The following FBN2 variants were observed in gnomAD, a reference collection of about 807,000 sequenced individuals.
FBN2 encodes the protein fibrillin 2.
Under a neutral mutation model 355.6 loss-of-function variants are expected in FBN2, and 105 were observed. That is an observed-to-expected ratio of 0.30 (90% CI 0.25 to 0.35). The LOEUF is 0.35. FBN2 is among the 10% of genes least tolerant of loss of function. The pLI is 1.00. For synonymous variants in FBN2, 1,350 were observed against 1,301.2 expected (o/e 1.04, Z -0.81); for missense variants, 3,280 against 3,758.7 (o/e 0.87, Z 3.33).
At chr5:128,300,998 C>T in intron 47 of FBN2, 62 bp from the exon 48 acceptor site, 1 of 1,508,606 alleles carries the variant, frequency 6.6e-7, no homozygotes, top group South Asian at 1.1e-5. Flanking sequence ...ATAGATTTAT[C>T]TGTCTGCCAA....
chr5:128,282,657 T>C (rs1459438344), intron 55 of FBN2, among the ~76,000 whole-genome samples: 1 of 152,078 alleles, frequency 6.6e-6, no homozygotes, highest in African/African-American at 2.4e-5. Context: ...TGCCTGATTC[T>C]TTTTTCTGTT....
chr5:128,456,014 A>AC (rs1486203521), intron 6 of FBN2, among the ~76,000 whole-genome samples: 4 of 146,552 alleles, frequency 2.7e-5, no homozygotes, highest in Non-Finnish European at 6.0e-5. Context: ...AAAAAAAAAA[A>AC]AAAAAAAAAG....
rs114833050 is a variant in FBN2 at position 128,523,715 on chromosome 5, T to C, written c.532+4157A>G. 2.3e-3 allele frequency among the ~76,000 whole-genome samples: 357 copies of C among 152,234 alleles called. 3 individuals carry two copies. Among genetic ancestry groups the C allele is most frequent in the African/African-American group, 7.9e-3 (330 of 41,524 alleles). On this transcript the variant is annotated intron_variant, in intron 4 of 64. Coordinates refer to ENST00000262464, the MANE Select transcript of FBN2 (RefSeq NM_001999.4). Reference sequence around the variant, plus strand: ...GTATTTCCCGTATCTGGAAATGACATCGCTATTAATCCAGCAGCTCCACCA... The same window carrying C: ...GTATTTCCCGTATCTGGAAATGACACCGCTATTAATCCAGCAGCTCCACCA...
At chr5:128,271,929 A>G in intron 62 of FBN2, 70 bp downstream of exon 62, 1 of 1,584,348 alleles carries the variant, frequency 6.3e-7, no homozygotes, top group East Asian at 2.2e-5. Flanking sequence ...AACCCTCACA[A>G]TTTGTTCATC....
At chr5:128,366,886 A>G (rs1391766772) in intron 16 of FBN2, among the ~76,000 whole-genome samples, 1 of 152,146 alleles carries the variant, frequency 6.6e-6, no homozygotes, top group Non-Finnish European at 1.5e-5. Context: ...TTTCCTTTTT[A>G]CAACTGAGGA....
chr5:128,407,151 T>C (rs1021999577), intron 8 of FBN2, among the ~76,000 whole-genome samples: 1 of 152,120 alleles, frequency 6.6e-6, no homozygotes, highest in Non-Finnish European at 1.5e-5. Context: ...TTAAAGTGGG[T>C]AAATGGTAGT....
intron 6 of FBN2, among the ~76,000 whole-genome samples, chr5:128,460,065 G>A (rs59820839): frequency 0.11 from 16,226 of 152,058 alleles, 1,035 homozygotes; most frequent in African/African-American, 0.17. Flanking sequence ...TTAGAAAACC[G>A]CATCATCTCA....
At chr5:128,492,574 G>A (rs1025305806) in intron 5 of FBN2, among the ~76,000 whole-genome samples, 9 of 151,982 alleles carry the variant, frequency 5.9e-5, no homozygotes, top group African/African-American at 1.9e-4. Context: ...AGGCTGAGGC[G>A]GGTGGATCAC....
chr5:128,289,890 G>A lies in FBN2; in HGVS notation c.6503C>T (p.Thr2168Ile). The stretch of plus-strand genomic sequence containing the variant: ...AATATATCAAAGCGTACCTTCACGT[G>A]TATCATGAAGACTAGGGACAGTTCC... ...GHGTVPSLHD[T>I]REDVNECLES... is the part of the protein sequence containing the mutation. The change falls in exon 51 of 65, where the codon ACA (threonine) becomes ATA (isoleucine). Residue 2168 changes from threonine to isoleucine, a missense_variant. Thr to Ile is a moderately conservative substitution (Grantham distance 89). Around this residue, in one of 6 missense-constraint regions of FBN2, gnomAD observed 2,284 missense variants for 2,749.5 expected, o/e 0.83. Transcript: ENST00000262464. 1.3e-6 allele frequency: 2 copies of A among 1,573,784 alleles called. No individual in the cohort carries two copies. Among genetic ancestry groups the A allele is most frequent in the Non-Finnish European group, 1.7e-6 (2 of 1,143,542 alleles).
intron 6 of FBN2, among the ~76,000 whole-genome samples, chr5:128,457,849 A>T (rs1397840001): frequency 6.6e-6 from 1 of 152,056 alleles, no homozygotes; most frequent in Non-Finnish European, 1.5e-5. Context: ...CTGCAAAAAA[A>T]AAAAACAAAA....
chr5:128,355,489 T>G (rs949963934), intron 20 of FBN2, among the ~76,000 whole-genome samples: 2 of 152,224 alleles, frequency 1.3e-5, no homozygotes, highest in African/African-American at 4.8e-5. Flanking sequence ...TCTTTAAATA[T>G]TCATAGTATC....
chr5:128,453,523 TG>T (rs1754311086), intron 6 of FBN2, among the ~76,000 whole-genome samples: 1 of 152,212 alleles, frequency 6.6e-6, no homozygotes, highest in Admixed American at 6.5e-5. Context: ...CCATTAAAAA[TG>T]TTGTTTTTAA....
intron 5 of FBN2, among the ~76,000 whole-genome samples, chr5:128,469,053 GATATTGT>G (rs1754786559): frequency 6.6e-6 from 1 of 152,122 alleles, no homozygotes; most frequent in Non-Finnish European, 1.5e-5. Context: ...GTATATACTA[GATATTGT>G]TCTGGGCTCT....
chr5:128,446,659 A>C (rs1294679739), intron 6 of FBN2, 53 bp from the exon 7 acceptor site: 7 of 1,593,086 alleles, frequency 4.4e-6, no homozygotes, highest in African/African-American at 1.3e-5. Flanking sequence ...CAGAATATCT[A>C]TACTTTTTTT....
At chr5:128,320,207 CCTT>C (rs1281656716) in intron 34 of FBN2, among the ~76,000 whole-genome samples, 1 of 151,434 alleles carries the variant, frequency 6.6e-6, no homozygotes, top group African/African-American at 2.4e-5. Context: ...GTATTATTAT[CCTT>C]CTGACTATGC....
intron 6 of FBN2, among the ~76,000 whole-genome samples, chr5:128,464,490 T>G (rs1754648692): frequency 6.6e-6 from 1 of 152,242 alleles, no homozygotes; most frequent in South Asian, 2.1e-4. Context: ...CACTGTATTT[T>G]TACATTTCCC....
At chr5:128,460,085 C>T (rs1052468804) in intron 6 of FBN2, among the ~76,000 whole-genome samples, 3 of 152,174 alleles carry the variant, frequency 2.0e-5, no homozygotes, top group Non-Finnish European at 4.4e-5. Context: ...AGCCCAAAAT[C>T]TCCTGAAGCT....
At chr5:128,300,110 G>A (rs1230840917) in intron 48 of FBN2, among the ~76,000 whole-genome samples, 2 of 152,172 alleles carry the variant, frequency 1.3e-5, no homozygotes, top group Non-Finnish European at 2.9e-5. Flanking sequence ...TGCCAAGGGC[G>A]ATAGAATTGG....
intron 5 of FBN2, among the ~76,000 whole-genome samples, chr5:128,500,515 C>T (rs977927089): frequency 6.8e-6 from 1 of 147,728 alleles, no homozygotes; most frequent in Admixed American, 6.8e-5. Flanking sequence ...CGATCTCGGC[C>T]CACTGCAAGC....
Sources: gnomAD v4.1 joint callset for allele counts (sites outside exome capture counted in the v4.1 genomes callset) on GRCh38, gnomAD v4.1.1 for gene constraint, gnomAD v4.1.1 regional missense constraint, MANE v1.5 for transcripts, NCBI Gene and HGNC (gene_info 2026-07-23, HGNC 2026-07-21) for gene names.